The following NRXN3 variants were observed in gnomAD, a reference collection of about 807,000 sequenced individuals.
NRXN3 encodes the protein neurexin 3.
Under a neutral mutation model 137.6 loss-of-function variants are expected in NRXN3, and 32 were observed. The ratio of observed to expected loss-of-function variants is 0.23; its 90% CI spans 0.18 to 0.31. The LOEUF (loss-of-function observed/expected upper bound fraction) is 0.31, where lower values mean the gene tolerates loss of function less well. NRXN3 is among the 10% of genes least tolerant of loss of function. NRXN3 has a pLI of 1.00. For synonymous variants in NRXN3, 798 were observed against 784.5 expected (o/e 1.02, Z -0.29); for missense variants, 1,574 against 2,062.5 (o/e 0.76, Z 4.59).
chr14:78,673,509 C>T (rs1209152284), intron 6 of NRXN3, among the ~76,000 whole-genome samples: 2 of 152,070 alleles, frequency 1.3e-5, no homozygotes, highest in Admixed American at 6.5e-5. Flanking sequence ...GGTGTGGGTA[C>T]GAAAATAAAG....
At chr14:79,519,482 T>A (rs2097036618) in intron 16 of NRXN3, among the ~76,000 whole-genome samples, 1 of 152,120 alleles carries the variant, frequency 6.6e-6, no homozygotes. Context: ...AAAAATTTTG[T>A]ATTAAAAATA....
At chr14:79,561,000 C>T (rs1303219125) in intron 16 of NRXN3, among the ~76,000 whole-genome samples, 1 of 152,162 alleles carries the variant, frequency 6.6e-6, no homozygotes, top group African/African-American at 2.4e-5. Flanking sequence ...AGGCTGATCC[C>T]ACTGCAGAGA....
intron 4 of NRXN3, among the ~76,000 whole-genome samples, chr14:78,309,785 T>C (rs112725116): frequency 6.6e-6 from 1 of 152,158 alleles, no homozygotes. Flanking sequence ...AAAAACACTT[T>C]GGACAGCAAT....
chr14:79,450,233 T>C (rs1230956435), intron 15 of NRXN3, among the ~76,000 whole-genome samples: 2 of 152,058 alleles, frequency 1.3e-5, no homozygotes, highest in East Asian at 1.9e-4. Context: ...TCTAAAACAG[T>C]TGAACTCCTA....
chr14:79,186,969 A>T (rs2063610692), intron 15 of NRXN3, among the ~76,000 whole-genome samples: 2 of 152,172 alleles, frequency 1.3e-5, no homozygotes, highest in African/African-American at 2.4e-5. Context: ...TGAGCATTTG[A>T]TCTATATGTT....
intron 15 of NRXN3, among the ~76,000 whole-genome samples, chr14:79,205,222 G>C (rs1169157253): frequency 6.6e-6 from 1 of 152,176 alleles, no homozygotes; most frequent in African/African-American, 2.4e-5. Flanking sequence ...ATGCCCTGTA[G>C]CTTGGGAACC....
intron 5 of NRXN3, among the ~76,000 whole-genome samples, chr14:78,649,942 A>T (rs968120573): frequency 6.6e-6 from 1 of 152,110 alleles, no homozygotes; most frequent in East Asian, 1.9e-4. Context: ...TCCTACCTGC[A>T]TCAGAATTTG....
intron 15 of NRXN3, among the ~76,000 whole-genome samples, chr14:79,123,628 T>C (rs1396636611): frequency 6.6e-6 from 1 of 152,148 alleles, no homozygotes; most frequent in Admixed American, 6.5e-5. Flanking sequence ...AAGAGAGGTG[T>C]ATAAAATATA....
At chr14:78,562,420 A>AT (rs2096795862) in intron 4 of NRXN3, among the ~76,000 whole-genome samples, 1 of 150,596 alleles carries the variant, frequency 6.6e-6, no homozygotes, top group Non-Finnish European at 1.5e-5. Flanking sequence ...AAAAAAAAAA[A>AT]AGTGCTGAGG....
intron 4 of NRXN3, among the ~76,000 whole-genome samples, chr14:78,490,398 A>G (rs962318633): frequency 2.6e-5 from 4 of 152,168 alleles, no homozygotes; most frequent in Non-Finnish European, 5.9e-5. Flanking sequence ...ACAAAATCAT[A>G]TAGGAAAAAT....
intron 10 of NRXN3, among the ~76,000 whole-genome samples, chr14:78,903,147 CTT>C (rs965920523): frequency 9.9e-5 from 12 of 121,480 alleles, no homozygotes; most frequent in Middle Eastern, 4.4e-3. Flanking sequence ...GTTTCATCTT[CTT>C]TTTTTTTTTT....
chr14:79,308,102 C>A (rs1419634451), intron 15 of NRXN3, among the ~76,000 whole-genome samples: 1 of 152,026 alleles, frequency 6.6e-6, no homozygotes, highest in African/African-American at 2.4e-5. Flanking sequence ...TGCATCTGAG[C>A]TCATTTTCAC....
chr14:78,537,883 T>C (rs1260063535), intron 4 of NRXN3, among the ~76,000 whole-genome samples: 2 of 152,252 alleles, frequency 1.3e-5, no homozygotes, highest in Non-Finnish European at 2.9e-5. Flanking sequence ...TCCCCATTTC[T>C]TGTTTTTGTC....
At chr14:78,551,494 T>C (rs1459148425) in intron 4 of NRXN3, among the ~76,000 whole-genome samples, 5 of 152,034 alleles carry the variant, frequency 3.3e-5, no homozygotes, top group Non-Finnish European at 7.4e-5. Flanking sequence ...TTGCTCTTCC[T>C]CTTCCCTTCC....
chr14:79,246,751 A>G (rs1263053527), intron 15 of NRXN3: 1 of 152,182 alleles, frequency 6.6e-6, no homozygotes, highest in Non-Finnish European at 1.5e-5. Context: ...TTTCCCTGCA[A>G]CAAGGTTAAA....
intron 16 of NRXN3, among the ~76,000 whole-genome samples, chr14:79,657,672 A>G (rs1349327033): frequency 6.6e-6 from 1 of 152,196 alleles, no homozygotes; most frequent in Non-Finnish European, 1.5e-5. Flanking sequence ...AGCGCAAATT[A>G]TGTTCTACTG....
intron 15 of NRXN3, among the ~76,000 whole-genome samples, chr14:79,417,734 C>T (rs901136545): frequency 1.5e-4 from 23 of 152,010 alleles, no homozygotes; most frequent in African/African-American, 5.3e-4. Context: ...TAGAGACATA[C>T]AGTATTTCAT....
At chr14:78,329,584 G>A (rs1046399382) in intron 4 of NRXN3, among the ~76,000 whole-genome samples, 14 of 152,122 alleles carry the variant, frequency 9.2e-5, no homozygotes, top group African/African-American at 3.4e-4. Context: ...CTAATGGACT[G>A]TTATAAAATG....
At chr14:79,531,263 T>A (rs1329051167) in intron 16 of NRXN3, among the ~76,000 whole-genome samples, 1 of 152,182 alleles carries the variant, frequency 6.6e-6, no homozygotes, top group Non-Finnish European at 1.5e-5. Context: ...CTCTAAGAAG[T>A]CTAGATATTT....
Sources: gnomAD v4.1 joint callset for allele counts (sites outside exome capture counted in the v4.1 genomes callset) on GRCh38, gnomAD v4.1.1 for gene constraint, MANE v1.5 for transcripts, NCBI Gene and HGNC (gene_info 2026-07-23, HGNC 2026-07-21) for gene names.